The following OLFML2B variants were observed in gnomAD, a reference collection of about 807,000 sequenced individuals.
OLFML2B encodes olfactomedin like 2B, also known as olfactomedin-like protein 2B.
Under a neutral mutation model 74.9 loss-of-function variants are expected in OLFML2B, and 57 were observed. The observed-to-expected ratio is 0.76, with a 90% CI of 0.61 to 0.95. The LOEUF (loss-of-function observed/expected upper bound fraction) is 0.95. Among genes scored for constraint, OLFML2B ranks in the 40% least tolerant of loss-of-function variants. The pLI is 0.00. For missense variants in OLFML2B, 986 were observed against 970.6 expected (o/e 1.02, Z -0.21); for synonymous variants, 388 against 405.8 (o/e 0.96, Z 0.53).
At chr1:161,993,838 G>A (rs927770825) in intron 6 of OLFML2B, among the ~76,000 whole-genome samples, 7 of 152,250 alleles carry the variant, frequency 4.6e-5, no homozygotes, top group East Asian at 3.9e-4. Flanking sequence ...GCATGCATCC[G>A]TTGCCAGCCA....
In OLFML2B at chr1:162,006,382, T is replaced by C. The variant is rs34095099; in HGVS notation, c.638A>G (p.Asn213Ser). 7,478 of 1,613,056 alleles carry C rather than the reference T, an allele frequency of 4.6e-3. 32 individuals carry two copies. Among genetic ancestry groups the C allele is most frequent in the Non-Finnish European group, 5.1e-3 (6,035 of 1,179,724 alleles). ...RTEMNKRGKE[N>S]CSENILDSMP... ...GCTATCTAGGATGTTTTCAGAGCAA[T>C]TTTCTTTGCCTCGCTTATTCATCTC... Residue 213 changes from asparagine to serine, a missense_variant, in exon 4 of 8, where the codon AAT becomes AGT. Coordinates refer to ENST00000294794, the MANE Select transcript of OLFML2B (RefSeq NM_015441.3).
intron 2 of OLFML2B, among the ~76,000 whole-genome samples, chr1:162,019,291 A>G (rs1690633228): frequency 6.6e-6 from 1 of 152,232 alleles, no homozygotes. Flanking sequence ...GACAAGTTAA[A>G]TAACTTAAGT....
chr1:162,018,576 T>C (rs944838894), intron 2 of OLFML2B, among the ~76,000 whole-genome samples: 4 of 152,330 alleles, frequency 2.6e-5, no homozygotes, highest in Non-Finnish European at 5.9e-5. Context: ...GCTGCCACAG[T>C]GCACCCAGCC....
At chr1:161,984,411 T>A in intron 7 of OLFML2B, 135 bp from the exon 8 acceptor site, 1 of 1,175,744 alleles carries the variant, frequency 8.5e-7, no homozygotes, top group East Asian at 2.5e-5. Context: ...CTTTCTAGCA[T>A]CCTGTAGCAC....
At chr1:162,016,396 G>A (rs1038084796) in intron 3 of OLFML2B, among the ~76,000 whole-genome samples, 2 of 152,120 alleles carry the variant, frequency 1.3e-5, no homozygotes, top group African/African-American at 2.4e-5. Flanking sequence ...GCCACAAACC[G>A]CTACATCTAC....
At position 161,984,807 on chromosome 1, in the gene OLFML2B, G is replaced by C; in HGVS notation, c.1648C>G (p.Gln550Glu). The C allele has an allele frequency of 6.2e-7, 1 of 1,613,538 alleles. No homozygotes were observed. Among genetic ancestry groups the C allele is most frequent in the Non-Finnish European group, 8.5e-7 (1 of 1,179,742 alleles). Residue 550 changes from glutamine (Q) to glutamate (E), a missense_variant, in exon 7 of 8, where the codon CAA (glutamine) becomes GAA (glutamate). By Grantham distance (29) the Gln-to-Glu change is conservative (BLOSUM62 2). Transcript: ENST00000294794. ...VEFRNLENFKQGRWSNSYKLP... is the reference protein window; with the variant it reads ...VEFRNLENFKEGRWSNSYKLP... ...GGGTTGGATCTTTATCATGTACCTTGTTTGAAGTTCTCCAGGTTCCGGAAC... is the reference window on the plus strand; with the variant it reads ...GGGTTGGATCTTTATCATGTACCTTCTTTGAAGTTCTCCAGGTTCCGGAAC...
chr1:162,006,595 A>G, intron 3 of OLFML2B, 122 bp from the exon 4 acceptor site: 1 of 771,478 alleles, frequency 1.3e-6, no homozygotes, highest in Non-Finnish European at 2.0e-6. Context: ...TCATCCAACA[A>G]GTGATTGGGG....
chr1:161,986,363 C>T (rs73021230), intron 6 of OLFML2B, among the ~76,000 whole-genome samples: 2,478 of 152,284 alleles, frequency 0.016, 74 homozygotes, highest in African/African-American at 0.057. Flanking sequence ...GGAAGGAGTC[C>T]AAGCCCTGCA....
In OLFML2B at chr1:161,984,956, G is replaced by A. The variant is rs1689549279; in HGVS notation, c.1499C>T (p.Thr500Ile). Residue 500 changes from threonine (T) to isoleucine (I), a missense_variant, in exon 7 of 8, where the codon ACA becomes ATA. Coordinates refer to ENST00000294794, the MANE Select transcript of OLFML2B (RefSeq NM_015441.3). ...GTTCTGGGTGGTCGGCCCCGTGATT[G>A]TGGAGAGAGTGTCCTTGCACCTTCC... is the stretch of plus-strand genomic sequence containing the variant. ...VIGRCKDTLS[T>I]ITGPTTQNTY... 2 of 1,610,438 alleles carry A rather than the reference G, an allele frequency of 1.2e-6. No individual in the cohort carries two copies. The highest frequency in any genetic ancestry group is 2.7e-5 in the African/African-American group (2 of 73,776).
At position 162,005,311 on chromosome 1, in the gene OLFML2B, G is replaced by A. The variant is rs544916789; in HGVS notation, c.723+986C>T. On this transcript the variant is annotated intron_variant, in intron 4 of 7. Transcript: ENST00000294794. ...CAGCAATCCATTCATGGGTAACTTC[G>A]TGCTAGGGACACAACTGGGTAGGAA... is the stretch of plus-strand genomic sequence containing the variant. 1.3e-3 allele frequency among the ~76,000 whole-genome samples: 193 copies of A among 152,284 alleles called. 1 individual carries two copies. Among genetic ancestry groups the A allele is most frequent in the Non-Finnish European group, 2.2e-3 (147 of 68,036 alleles).
intron 4 of OLFML2B, among the ~76,000 whole-genome samples, chr1:162,005,760 C>A (rs1690206972): frequency 6.6e-6 from 1 of 151,972 alleles, no homozygotes; most frequent in Admixed American, 6.6e-5. Flanking sequence ...AATTTTATTA[C>A]CAGGCATGGT....
intron 6 of OLFML2B, among the ~76,000 whole-genome samples, chr1:161,987,454 A>G (rs1310529483): frequency 6.6e-6 from 1 of 152,184 alleles, no homozygotes; most frequent in African/African-American, 2.4e-5. Context: ...ATTTGACCAC[A>G]AGAGAGGAGG....
intron 3 of OLFML2B, 134 bp downstream of exon 3, chr1:162,017,266 A>T (rs1447435539): frequency 3.0e-5 from 19 of 634,724 alleles, no homozygotes; most frequent in Middle Eastern, 5.0e-4. Context: ...TCTTTTATGT[A>T]TATTTTCCCT....
chr1:162,014,406 G>C (rs1195505834), intron 3 of OLFML2B, among the ~76,000 whole-genome samples: 2 of 152,040 alleles, frequency 1.3e-5, no homozygotes, highest in Admixed American at 1.3e-4. Flanking sequence ...ATATACCCAA[G>C]GTGGAACTGT....
At chr1:162,020,665 T>G (rs4656344) in intron 1 of OLFML2B, among the ~76,000 whole-genome samples, 82,053 of 151,860 alleles carry the variant, frequency 0.54, 26,954 homozygotes, top group Non-Finnish European at 0.72. Context: ...TAGCTGGGAT[T>G]ATAGGCACAT....
chr1:162,009,870 C>T (rs1690326810), intron 3 of OLFML2B, among the ~76,000 whole-genome samples: 1 of 152,210 alleles, frequency 6.6e-6, no homozygotes, highest in Non-Finnish European at 1.5e-5. Flanking sequence ...AGGCGATTCT[C>T]AGGAGATGCA....
intron 2 of OLFML2B, 100 bp from the exon 3 acceptor site, chr1:162,017,607 A>G: frequency 1.3e-6 from 1 of 778,838 alleles, no homozygotes; most frequent in Admixed American, 2.8e-5. Flanking sequence ...CAGGAAAGCC[A>G]CTAGCCAGGA....
Position 161,998,210 on chromosome 1 carries a change from G to A in OLFML2B, c.1089C>T (p.Asp363=). ...RQGHSTAVTS[D]LNARTAPWSS... ...ACCAGGGTGCGGTCCGAGCGTTCAGGTCGCTTGTCACAGCAGTGCTGTGTC... is the reference window on the plus strand; with the variant it reads ...ACCAGGGTGCGGTCCGAGCGTTCAGATCGCTTGTCACAGCAGTGCTGTGTC... Residue 363 remains aspartate, a synonymous_variant, in exon 6 of 8, where the codon GAC becomes GAT. Coordinates refer to ENST00000294794, the MANE Select transcript of OLFML2B (RefSeq NM_015441.3). The A allele has an allele frequency of 6.2e-7, 1 of 1,614,068 alleles. No homozygotes were observed. Among genetic ancestry groups the A allele is most frequent in the East Asian group, 2.2e-5 (1 of 44,886 alleles).
chr1:162,011,899 G>A (rs1690400917), intron 3 of OLFML2B, among the ~76,000 whole-genome samples: 1 of 152,184 alleles, frequency 6.6e-6, no homozygotes, highest in Non-Finnish European at 1.5e-5. Flanking sequence ...ATGGAGGGCT[G>A]ACACTCGCAC....
Sources: gnomAD v4.1 joint callset for allele counts (sites outside exome capture counted in the v4.1 genomes callset) on GRCh38, gnomAD v4.1.1 for gene constraint, MANE v1.5 for transcripts, NCBI Gene and HGNC (gene_info 2026-07-23, HGNC 2026-07-21) for gene names.